FRMD5: variants seen among roughly 807,000 people sequenced by gnomAD.
FRMD5 encodes FERM domain containing 5.
Under a neutral mutation model 69.0 loss-of-function variants are expected in FRMD5, and 20 were observed. That is an observed-to-expected ratio of 0.29 (90% CI 0.20 to 0.42). FRMD5 has a LOEUF of 0.42. Ranked by LOEUF, FRMD5 falls within the 10% of genes least tolerant of loss-of-function variation. FRMD5 has a pLI of 1.00. For missense variants in FRMD5, 595 were observed against 708.6 expected (o/e 0.84, Z 1.82); for synonymous variants, 271 against 260.1 (o/e 1.04, Z -0.40).
At chr15:44,199,357 A>C (rs1346446207), upstream of FRMD5, among the ~76,000 whole-genome samples, 1 of 152,226 alleles carries the variant, frequency 6.6e-6, no homozygotes, top group Non-Finnish European at 1.5e-5. Flanking sequence ...ATTCTGGTTC[A>C]TGTGGCTGAA....
chr15:44,000,152 C>G (rs1281419485), intron 1 of FRMD5, among the ~76,000 whole-genome samples: 1 of 151,484 alleles, frequency 6.6e-6, no homozygotes, highest in Non-Finnish European at 1.5e-5. Flanking sequence ...CCATGCCCAG[C>G]TATTTTTTAT....
chr15:44,025,984 G>T (rs1309382325), intron 1 of FRMD5, among the ~76,000 whole-genome samples: 2 of 151,644 alleles, frequency 1.3e-5, no homozygotes, highest in Non-Finnish European at 2.9e-5. Flanking sequence ...CCTTTTTTTG[G>T]TGGGGCAGGG....
intron 1 of FRMD5, among the ~76,000 whole-genome samples, chr15:44,108,240 G>A (rs2076746867): frequency 1.3e-5 from 2 of 152,296 alleles, no homozygotes; most frequent in African/African-American, 4.8e-5. Flanking sequence ...GTGCAGTGGT[G>A]CACACCTGTA....
intron 1 of FRMD5, among the ~76,000 whole-genome samples, chr15:44,028,091 G>A (rs749200384): frequency 6.6e-5 from 10 of 152,120 alleles, no homozygotes; most frequent in Non-Finnish European, 1.2e-4. Flanking sequence ...CATATCACAC[G>A]GAAAAGGAAG....
intron 1 of FRMD5, among the ~76,000 whole-genome samples, chr15:44,188,381 C>T (rs1159132641): frequency 6.6e-6 from 1 of 152,076 alleles, no homozygotes. Flanking sequence ...CCTTCTTCAC[C>T]TCTCCCTCTC....
chr15:44,091,636 T>G (rs2076474184), intron 1 of FRMD5, among the ~76,000 whole-genome samples: 2 of 152,246 alleles, frequency 1.3e-5, no homozygotes, highest in African/African-American at 4.8e-5. Context: ...CTTATAGTGC[T>G]AAGTTCCAGA....
chr15:44,040,866 C>T (rs1183424414), intron 1 of FRMD5, among the ~76,000 whole-genome samples: 2 of 151,836 alleles, frequency 1.3e-5, no homozygotes, highest in East Asian at 3.9e-4. Context: ...AACACACAGA[C>T]TGGCAAATTG....
intron 1 of FRMD5, among the ~76,000 whole-genome samples, chr15:43,961,881 A>C (rs1329223502): frequency 1.1e-4 from 17 of 152,218 alleles, no homozygotes; most frequent in Admixed American, 1.0e-3. Flanking sequence ...CTCTCAATAA[A>C]TTAGGTATTG....
intron 1 of FRMD5, among the ~76,000 whole-genome samples, chr15:44,036,693 T>C (rs950778862): frequency 6.6e-6 from 1 of 152,248 alleles, no homozygotes; most frequent in African/African-American, 2.4e-5. Flanking sequence ...GTAGATTCTC[T>C]TGGATTTTTC....
intron 1 of FRMD5, among the ~76,000 whole-genome samples, chr15:44,078,257 G>A (rs1893852480): frequency 6.6e-6 from 1 of 151,940 alleles, no homozygotes; most frequent in African/African-American, 2.4e-5. Context: ...TTCCCCCTAA[G>A]GGTTTAAATA....
chr15:44,096,120 C>T (rs1222181236), intron 1 of FRMD5, among the ~76,000 whole-genome samples: 5 of 147,190 alleles, frequency 3.4e-5, no homozygotes, highest in Non-Finnish European at 5.9e-5. Context: ...GCAGGAGAAT[C>T]GCTTGAACCC....
intron 1 of FRMD5, among the ~76,000 whole-genome samples, chr15:44,112,984 G>A (rs1233736717): frequency 6.6e-6 from 1 of 152,154 alleles, no homozygotes; most frequent in African/African-American, 2.4e-5. Flanking sequence ...CTTCATTAGT[G>A]AATACCTTTG....
intron 1 of FRMD5, among the ~76,000 whole-genome samples, chr15:43,970,038 CAAAAGGGAGGATAGA>C (rs1429727596): frequency 1.3e-5 from 2 of 152,110 alleles, no homozygotes; most frequent in Non-Finnish European, 2.9e-5. Context: ...ATGCAAATCA[CAAAAGGGAGGATAGA>C]AGAAAAAGTG....
At chr15:44,076,679 T>C (rs1595697774) in intron 1 of FRMD5, among the ~76,000 whole-genome samples, 1 of 145,908 alleles carries the variant, frequency 6.9e-6, no homozygotes, top group Non-Finnish European at 1.5e-5. Context: ...TGCTAGATGA[T>C]GAGTTAGTGG....
At chr15:44,160,361 T>A (rs963885141) in intron 1 of FRMD5, among the ~76,000 whole-genome samples, 12 of 151,818 alleles carry the variant, frequency 7.9e-5, no homozygotes, top group African/African-American at 1.7e-4. Flanking sequence ...TCTCAAAAAA[T>A]AAATAAATAA....
At chr15:44,108,472 C>A (rs1437535197) in intron 1 of FRMD5, among the ~76,000 whole-genome samples, 2 of 152,110 alleles carry the variant, frequency 1.3e-5, no homozygotes, top group Admixed American at 1.3e-4. Flanking sequence ...TAGAGAAACC[C>A]CGTCTCTACT....
intron 7 of FRMD5, among the ~76,000 whole-genome samples, chr15:43,897,842 T>A (rs772781060): frequency 1.3e-5 from 2 of 152,028 alleles, no homozygotes; most frequent in Admixed American, 1.3e-4. Flanking sequence ...CATGGGGCAG[T>A]TTCCCCATGC....
At chr15:43,957,834 T>C (rs76357206) in intron 1 of FRMD5, among the ~76,000 whole-genome samples, 5,899 of 152,312 alleles carry the variant, frequency 0.039, 167 homozygotes, top group Non-Finnish European at 0.06. Context: ...TGTTTCCTTG[T>C]TGCTAGCAAG....
rs756950403 is a variant in FRMD5, at chr15:43,943,360, G to A, written c.103-19051C>T. Among the ~76,000 whole-genome samples, 12 of 152,290 alleles carry A rather than the reference G, an allele frequency of 7.9e-5. No homozygotes were observed. The East Asian group carries it at 1.7e-3, about 22-fold the overall frequency. ...CTCCTAAAGTGTTGGGATTACAGGC[G>A]AGAGCCATTGCTCCTGGCCGTAAGA... On this transcript the variant is annotated intron_variant, in intron 1 of 13. Coordinates refer to ENST00000417257, the MANE Select transcript of FRMD5 (RefSeq NM_032892.5).
Sources: gnomAD v4.1 joint callset for allele counts (sites outside exome capture counted in the v4.1 genomes callset) on GRCh38, gnomAD v4.1.1 for gene constraint, MANE v1.5 for transcripts, NCBI Gene and HGNC (gene_info 2026-07-23, HGNC 2026-07-21) for gene names.